The following CLEC20A variants were observed in gnomAD, a reference collection of about 807,000 sequenced individuals.
CLEC20A encodes putative C-type lectin domain family 20 member A.
chr1:178,487,752 T>C (rs1649183292), intron 5 of CLEC20A, among the ~76,000 whole-genome samples: 1 of 152,190 alleles, frequency 6.6e-6, no homozygotes, highest in Non-Finnish European at 1.5e-5. Flanking sequence ...CATCCACACT[T>C]TCTAATGAGT....
At chr1:178,487,908 C>T (rs900287205) in intron 5 of CLEC20A, among the ~76,000 whole-genome samples, 1 of 152,218 alleles carries the variant, frequency 6.6e-6, no homozygotes, top group African/African-American at 2.4e-5. Flanking sequence ...TCTAGTTAGC[C>T]TCAGAACTCT....
chr1:178,482,845 T>A (rs1649025442), intron 6 of CLEC20A: 1 of 216,350 alleles, frequency 4.6e-6, no homozygotes. Context: ...TACAATCTCA[T>A]AATAAGACTA....
intron 7 of CLEC20A, chr1:178,482,074 C>CA (rs1354315351): frequency 1.1e-4 from 38 of 333,940 alleles, no homozygotes; most frequent in Admixed American, 3.4e-4. Context: ...CAAAAAAAAA[C>CA]AAAAAAACAA....
At chr1:178,498,409 T>C (rs922238127), upstream of CLEC20A, among the ~76,000 whole-genome samples, 4 of 152,096 alleles carry the variant, frequency 2.6e-5, no homozygotes, top group East Asian at 7.8e-4. Flanking sequence ...CTAGGCAACA[T>C]AGTGAGACTC....
chr1:178,491,150 T>C (rs527493381), intron 3 of CLEC20A, among the ~76,000 whole-genome samples: 17 of 152,306 alleles, frequency 1.1e-4, no homozygotes, highest in East Asian at 9.7e-4. Flanking sequence ...GAGGCTGGAC[T>C]GGGCCAGGTC....
intron 7 of CLEC20A, chr1:178,480,185 A>C (rs1230213280): frequency 6.6e-6 from 1 of 152,148 alleles, no homozygotes; most frequent in East Asian, 1.9e-4. Context: ...TTGGAATTTA[A>C]AATTCTACTA....
upstream of CLEC20A, chr1:178,496,983 G>T: frequency 2.5e-6 from 1 of 399,704 alleles, no homozygotes; most frequent in Non-Finnish European, 4.4e-6. Context: ...GGCTGGGCAC[G>T]GGACAAGACC....
At chr1:178,481,195 T>C (rs1041899468) in intron 7 of CLEC20A, 3 of 152,218 alleles carry the variant, frequency 2.0e-5, no homozygotes, top group African/African-American at 7.2e-5. Flanking sequence ...AAGAGTATTA[T>C]ATATTTTATT....
At chr1:178,486,336 A>G (rs1363665593) in intron 5 of CLEC20A, 2 of 397,846 alleles carry the variant, frequency 5.0e-6, no homozygotes, top group East Asian at 7.1e-5. Context: ...CACCCTACTC[A>G]TGGAAGCCAG....
intron 4 of CLEC20A, among the ~76,000 whole-genome samples, chr1:178,489,451 G>C (rs1420502923): frequency 6.6e-6 from 1 of 152,080 alleles, no homozygotes; most frequent in Non-Finnish European, 1.5e-5. Context: ...AAAAAAGAGA[G>C]AGGTGGGGAA....
intron 5 of CLEC20A, among the ~76,000 whole-genome samples, chr1:178,485,287 CTGA>C (rs1649104827): frequency 6.6e-6 from 1 of 152,224 alleles, no homozygotes; most frequent in South Asian, 2.1e-4. Context: ...CTGTAAACCT[CTGA>C]TGGCTCCATT....
intron 5 of CLEC20A, chr1:178,484,714 A>AT (rs2101863727): frequency 6.6e-6 from 1 of 152,200 alleles, no homozygotes; most frequent in East Asian, 1.9e-4. Context: ...AGCAAAAAAA[A>AT]GTAAGCATCT....
At chr1:178,499,379 T>C (rs1209841298), upstream of CLEC20A, among the ~76,000 whole-genome samples, 1 of 152,156 alleles carries the variant, frequency 6.6e-6, no homozygotes, top group African/African-American at 2.4e-5. Context: ...TGTGAGGGTG[T>C]TGCCAGAGGA....
At chr1:178,482,445 ATT>A in intron 6 of CLEC20A, 48 bp from the exon 7 acceptor site, 1 of 398,476 alleles carries the variant, frequency 2.5e-6, no homozygotes, top group Non-Finnish European at 4.4e-6. Flanking sequence ...TCCTATTTCC[ATT>A]TCAAGTTCTT....
At position 178,479,639 on chromosome 1, in the gene CLEC20A, G is replaced by A. The variant is rs895604719; in HGVS notation, c.1123-24C>T. 1.8e-5 allele frequency: 7 copies of A among 398,266 alleles called. 1 individual carries two copies. In the Admixed American group the frequency reaches 1.8e-4, roughly 10 times the overall value. 24.7% of individuals were successfully genotyped at this position (398,266 alleles called of 1,614,324 possible). A position where few individuals can be genotyped will look rare whatever the true frequency, so the allele number is the denominator to read the frequency against. On this transcript the variant is annotated intron_variant, in intron 7 of 7. Transcript: ENST00000623247. ...ATCTGAAACATCAAAAAGAGAGAAA[G>A]TGTTGATGCGGTCTTTTTACTTCAT...
intron 3 of CLEC20A, among the ~76,000 whole-genome samples, chr1:178,490,802 T>C (rs1266768736): frequency 6.6e-6 from 1 of 152,220 alleles, no homozygotes; most frequent in African/African-American, 2.4e-5. Flanking sequence ...AGCACAGTGA[T>C]ATATTAATAG....
intron 2 of CLEC20A, chr1:178,493,777 G>A (rs776975137): frequency 1.3e-5 from 2 of 152,268 alleles, no homozygotes; most frequent in African/African-American, 4.8e-5. Context: ...ATGAGAAGAA[G>A]ACAGTGAATT....
chr1:178,479,697 AC>A (rs1648896226), intron 7 of CLEC20A, 82 bp from the exon 8 acceptor site: 3 of 396,606 alleles, frequency 7.6e-6, no homozygotes, highest in South Asian at 1.3e-4. Context: ...CCATCCGTAT[AC>A]CCTTTATGCA....
At chr1:178,493,178 G>A (rs576646458) in intron 2 of CLEC20A, among the ~76,000 whole-genome samples, 1 of 152,278 alleles carries the variant, frequency 6.6e-6, no homozygotes, top group East Asian at 1.9e-4. Context: ...GGAGTGTGGG[G>A]ACAGTGTGGG....
Sources: allele counts gnomAD v4.1 joint callset (sites outside exome capture counted in the v4.1 genomes callset), GRCh38; gene constraint gnomAD v4.1.1; transcripts MANE v1.5; gene names NCBI Gene and HGNC (gene_info 2026-07-23, HGNC 2026-07-21).